The following SGIP1 variants were observed in gnomAD, a reference collection of about 807,000 sequenced individuals.
SGIP1 encodes the protein SH3GL interacting endocytic adaptor 1.
Under a neutral mutation model 107.5 loss-of-function variants are expected in SGIP1, and 38 were observed. The observed-to-expected ratio is 0.35, with a 90% confidence interval of 0.27 to 0.46. The LOEUF (loss-of-function observed/expected upper bound fraction) is 0.46, where lower values mean the gene tolerates loss of function less well. SGIP1 is among the 20% of genes least tolerant of loss of function. SGIP1 has a pLI of 1.00. For missense variants in SGIP1, 929 were observed against 1,019.5 expected, an observed-to-expected ratio of 0.91 and a Z score of 1.21; for synonymous variants, 365 against 366.1, an observed-to-expected ratio of 1.00 and a Z score of 0.03.
chr1:66,623,256 CT>C (rs994382946), intron 1 of SGIP1, among the ~76,000 whole-genome samples: 16 of 148,028 alleles, frequency 1.1e-4, no homozygotes, highest in Admixed American at 1.4e-4. Context: ...AGTTTTCAAC[CT>C]TTTTTTTTTG....
chr1:66,626,450 A>C (rs763760940), intron 2 of SGIP1, among the ~76,000 whole-genome samples: 2 of 152,350 alleles, frequency 1.3e-5, no homozygotes, highest in Middle Eastern at 6.8e-3. Flanking sequence ...AACAAATGCC[A>C]GAAACAACTG....
chr1:66,555,321 T>C (rs772001095), intron 1 of SGIP1, among the ~76,000 whole-genome samples: 14 of 152,146 alleles, frequency 9.2e-5, no homozygotes, highest in Non-Finnish European at 1.5e-4. Flanking sequence ...AAACAGAACC[T>C]ATCCAAAATA....
chr1:66,644,917 T>A (rs888554534), intron 7 of SGIP1, among the ~76,000 whole-genome samples: 10 of 152,214 alleles, frequency 6.6e-5, no homozygotes, highest in Admixed American at 6.5e-4. Flanking sequence ...CTTTTCCTTC[T>A]ATAATGGAAG....
chr1:66,682,644 G>A (rs573378528), intron 15 of SGIP1, among the ~76,000 whole-genome samples: 13 of 152,166 alleles, frequency 8.5e-5, no homozygotes, highest in South Asian at 4.2e-4. Context: ...CTAAAACAAA[G>A]CTGTCATGCC....
chr1:66,574,855 C>T (rs1354396899), intron 1 of SGIP1, among the ~76,000 whole-genome samples: 1 of 152,154 alleles, frequency 6.6e-6, no homozygotes, highest in East Asian at 1.9e-4. Flanking sequence ...TTGCCAGCTG[C>T]GCTTGCTCAA....
rs189969497 is a variant in SGIP1 at position 66,547,819 on chromosome 1, G to A, written c.10+13451G>A. 2.2e-4 allele frequency among the ~76,000 whole-genome samples: 34 copies of A among 152,272 alleles called. No individual in the cohort carries two copies. The East Asian group carries it at 4.8e-3, about 22-fold the overall frequency. ...ATGGAATCGTGGTGGAGAATGGGAG[G>A]GGTGGCGGTGAAGGCTACTTTAAGT... On this transcript the variant is annotated intron_variant, in intron 1 of 24. Transcript: ENST00000371037.
rs79591627 is a variant in SGIP1 at position 66,608,495 on chromosome 1, G to T, written c.11-17352G>T. Among the ~76,000 whole-genome samples, 628 of 152,200 alleles carry T rather than the reference G, an allele frequency of 4.1e-3. 4 individuals are homozygous for T. The highest frequency in any genetic ancestry group is 0.014 in the African/African-American group (598 of 41,534). ...AACTATTTTAAACCATTTTAAAAGC[G>T]CTTTTTACATTGATCATTGTTTAGA... On this transcript the variant is annotated intron_variant, in intron 1 of 24. Transcript: ENST00000371037.
At chr1:66,687,292 CA>C (rs2088603982) in intron 15 of SGIP1, among the ~76,000 whole-genome samples, 1 of 135,516 alleles carries the variant, frequency 7.4e-6, no homozygotes, top group Non-Finnish European at 1.6e-5. Flanking sequence ...CCTCCTCCAT[CA>C]ACACCAAAAA....
At chr1:66,634,117 T>G in intron 3 of SGIP1, 1 of 1,610,218 alleles carries the variant, frequency 6.2e-7, no homozygotes, top group Non-Finnish European at 8.5e-7. Context: ...CAGCTTCTCC[T>G]CACCTCTTGC....
At chr1:66,691,636 T>C (rs1372315326) in intron 17 of SGIP1, among the ~76,000 whole-genome samples, 1 of 152,150 alleles carries the variant, frequency 6.6e-6, no homozygotes, top group African/African-American at 2.4e-5. Context: ...GTTTCTGTAA[T>C]TTTTTTAATT....
At chr1:66,741,638 C>T (rs972029161) in intron 24 of SGIP1, among the ~76,000 whole-genome samples, 9 of 152,286 alleles carry the variant, frequency 5.9e-5, no homozygotes, top group Middle Eastern at 6.8e-3. Context: ...GAGGCTCTGA[C>T]TTCTAACTCT....
chr1:66,614,009 T>C (rs2068629288), intron 1 of SGIP1, among the ~76,000 whole-genome samples: 1 of 151,986 alleles, frequency 6.6e-6, no homozygotes, highest in South Asian at 2.1e-4. Context: ...AATGCTAGAG[T>C]CATATCCCTG....
chr1:66,646,813 T>G (rs1343921672), intron 7 of SGIP1, among the ~76,000 whole-genome samples: 1 of 152,224 alleles, frequency 6.6e-6, no homozygotes, highest in African/African-American at 2.4e-5. Context: ...TTAGTCCAGA[T>G]TTTGCCTTAG....
At chr1:66,740,627 T>G (rs1358542245) in intron 22 of SGIP1, 31 bp from the exon 23 acceptor site, 1 of 1,477,710 alleles carries the variant, frequency 6.8e-7, no homozygotes, top group Non-Finnish European at 9.4e-7. Context: ...CTCTTGGATA[T>G]GCAAAAACCT....
intron 21 of SGIP1, among the ~76,000 whole-genome samples, chr1:66,734,291 G>C (rs186452936): frequency 1.6e-3 from 236 of 152,164 alleles, no homozygotes; most frequent in Non-Finnish European, 2.6e-3. Context: ...ATAGTCCTAT[G>C]AAAGAATTCT....
upstream of SGIP1, among the ~76,000 whole-genome samples, chr1:66,534,002 G>T (rs1402822104): frequency 6.6e-6 from 1 of 151,930 alleles, no homozygotes; most frequent in Non-Finnish European, 1.5e-5. Flanking sequence ...GAATGGGGAC[G>T]GGAAATAGGT....
intron 1 of SGIP1, among the ~76,000 whole-genome samples, chr1:66,559,657 T>G (rs2058658171): frequency 6.6e-6 from 1 of 152,042 alleles, no homozygotes; most frequent in Non-Finnish European, 1.5e-5. Flanking sequence ...GCTGTGACTG[T>G]GATGGACATC....
intron 1 of SGIP1, among the ~76,000 whole-genome samples, chr1:66,620,750 T>A (rs1317022115): frequency 6.6e-6 from 1 of 152,204 alleles, no homozygotes. Context: ...AAGAAATGTA[T>A]TTTATATCAC....
chr1:66,733,019 A>G (rs370753061), intron 20 of SGIP1, among the ~76,000 whole-genome samples: 14 of 152,318 alleles, frequency 9.2e-5, no homozygotes, highest in Admixed American at 3.3e-4. Context: ...TGAGATGAGC[A>G]TTTGCAAGAT....
Sources: allele counts gnomAD v4.1 joint callset (sites outside exome capture counted in the v4.1 genomes callset), GRCh38; gene constraint gnomAD v4.1.1; transcripts MANE v1.5; gene names NCBI Gene and HGNC (gene_info 2026-07-23, HGNC 2026-07-21).